CHPF: variants seen among roughly 807,000 people sequenced by gnomAD.
The protein encoded by CHPF is chondroitin polymerizing factor, also known as chondroitin polymerizing factor, non-catalytic subunit.
Under a neutral mutation model 55.1 loss-of-function variants are expected in CHPF, and 34 were observed. That is an observed-to-expected ratio of 0.62 (90% CI 0.47 to 0.82). CHPF has a LOEUF of 0.82. Ranked by LOEUF, CHPF falls within the 40% of genes least tolerant of loss-of-function variation. The pLI, the probability that CHPF is intolerant of heterozygous loss-of-function variation, is 0.00. For missense variants in CHPF, 961 were observed against 1,106.1 expected (o/e 0.87, Z 1.86); for synonymous variants, 489 against 496.6 (o/e 0.98, Z 0.20).
Position 219,543,269 on chromosome 2 carries a change from G to A in CHPF, c.270C>T (p.Pro90=). The A allele has an allele frequency of 1.3e-6, 2 of 1,574,776 alleles. No individual in the cohort carries two copies. The highest frequency in any genetic ancestry group is 1.7e-6 in the Non-Finnish European group (2 of 1,169,648). Residue 90 remains proline (P), a synonymous_variant, in exon 1 of 4, where the codon CCC becomes CCT. Transcript: ENST00000243776. ...AGENWEPRVL[P]YHPAQPGQAA... Reference sequence around the variant, plus strand: ...CCTGGCCGGGCTGTGCAGGGTGGTAGGGCAAGACGCGCGGCTCCCAATTCT... The same window carrying A: ...CCTGGCCGGGCTGTGCAGGGTGGTAAGGCAAGACGCGCGGCTCCCAATTCT...
At chr2:219,540,813 A>G (rs1321677047) in intron 3 of CHPF, 133 bp downstream of exon 3, 14 of 1,320,580 alleles carry the variant, frequency 1.1e-5, no homozygotes, top group Admixed American at 7.5e-5. Flanking sequence ...TCATCAGAGA[A>G]TGTAGAAACA....
Position 219,541,639 on chromosome 2 carries a change from C to T in CHPF, c.865G>A (p.Val289Met), listed in dbSNP as rs541704710. ...ACCTCGTGGTCACCAGTGCAGCCCACCCCGGTGGCATCGAGAATGCAGCGA... is the reference window on the plus strand; with the variant it reads ...ACCTCGTGGTCACCAGTGCAGCCCATCCCGGTGGCATCGAGAATGCAGCGA... ...LGRCILDATG[V>M]GCTGDHEGVH... Residue 289 changes from valine to methionine, a missense_variant, in exon 2 of 4, where the codon GTG becomes ATG. Transcript: ENST00000243776. 1 of 1,588,758 alleles carries T rather than the reference C, an allele frequency of 6.3e-7. No individual in the cohort carries two copies. The highest frequency in any genetic ancestry group is 1.3e-5 in the African/African-American group (1 of 74,662).
At position 219,539,811 on chromosome 2, in the gene CHPF, A is replaced by C; in HGVS notation, c.1900T>G (p.Ser634Ala). The stretch of plus-strand genomic sequence containing the variant: ...ATGGGAAAGAAGGCCTGCCAGCCGG[A>C]GATGGCATGCATGCGGCAGCGGTTC... ...FLNRCRMHAI[S>A]GWQAFFPMHF... is the part of the protein sequence containing the mutation. Residue 634 changes from serine (S) to alanine (A), a missense_variant, in exon 4 of 4, where the codon TCC becomes GCC. This residue lies in a region of CHPF where 936 missense variants were observed against 1,058.4 expected (regional missense o/e 0.88). Transcript: ENST00000243776. 6.2e-7 allele frequency: 1 copy of C among 1,613,556 alleles called. No individual in the cohort carries two copies. The highest frequency in any genetic ancestry group is 8.5e-7 in the Non-Finnish European group (1 of 1,180,018).
rs1408963613 is a variant in CHPF at position 219,543,573 on chromosome 2, C to T, written c.-35G>A. On this transcript the variant is annotated 5_prime_UTR_variant, in exon 1 of 4. Transcript: ENST00000243776. Reference sequence around the variant, plus strand: ...ACCGCGGGTCCCCGGCCCCGGCGAACCCCCAGAGCAGCCAGAGGAGTCTCC... The same window carrying T: ...ACCGCGGGTCCCCGGCCCCGGCGAATCCCCAGAGCAGCCAGAGGAGTCTCC... The T allele has an allele frequency of 7.6e-7, 1 of 1,316,640 alleles. No individual in the cohort carries two copies. Among genetic ancestry groups the T allele is most frequent in the Non-Finnish European group, 9.7e-7 (1 of 1,035,574 alleles). 81.6% of individuals were successfully genotyped at this position (1,316,640 alleles called of 1,614,324 possible).
Position 219,542,022 on chromosome 2 carries a change from G to C in CHPF, c.482C>G (p.Pro161Arg), listed in dbSNP as rs1695281401. ...LTGARGRRAP[P>R]GMAVVTLGEE... ...GCCTAGCGTCACCACTGCCATGCCA[G>C]GTGGGGCCCGGCGGCCCCGTGCGCC... Residue 161 changes from proline (P) to arginine (R), a missense_variant, in exon 2 of 4, where the codon CCT becomes CGT. Coordinates refer to ENST00000243776, the MANE Select transcript of CHPF (RefSeq NM_024536.6). 1 of 1,596,422 alleles carries C rather than the reference G, an allele frequency of 6.3e-7. No individual in the cohort carries two copies. Among genetic ancestry groups the C allele is most frequent in the East Asian group, 2.3e-5 (1 of 43,934 alleles).
chr2:219,542,165 C>A lies in CHPF; in HGVS notation c.339G>T (p.Leu113=). The change falls in exon 2 of 4, where the codon CTG becomes CTT. Residue 113 remains leucine (L), a synonymous_variant. Coordinates refer to ENST00000243776, the MANE Select transcript of CHPF (RefSeq NM_024536.6). ...CCACCAGCAGCCTCTGCCTGATGCCCAGCTCCGTGCTGATGTAGCGGGTCC... is the reference window on the plus strand; with the variant it reads ...CCACCAGCAGCCTCTGCCTGATGCCAAGCTCCGTGCTGATGTAGCGGGTCC... ...AVRTRYISTE[L]GIRQRLLVAV... 1 of 1,521,170 alleles carries A rather than the reference C, an allele frequency of 6.6e-7. No individual in the cohort carries two copies. Among genetic ancestry groups the A allele is most frequent in the Non-Finnish European group, 8.8e-7 (1 of 1,141,466 alleles). 94.2% of individuals were successfully genotyped at this position (1,521,170 alleles called of 1,614,324 possible). A position where few individuals can be genotyped will look rare whatever the true frequency, so the allele number is the denominator to read the frequency against.
Position 219,539,471 on chromosome 2 carries a change from C to A in CHPF, c.2240G>T (p.Arg747Leu). The change falls in exon 4 of 4, where the codon CGC becomes CTC. Residue 747 changes from arginine to leucine, a missense_variant. Physicochemically the swap from Arg to Leu is moderately radical, Grantham distance 102 (BLOSUM62 -2). Around this residue, in one of 3 missense-constraint regions of CHPF, gnomAD observed 936 missense variants for 1,058.4 expected, o/e 0.88. Coordinates refer to ENST00000243776, the MANE Select transcript of CHPF (RefSeq NM_024536.6). ...GCCCTCAAGCACGCTCTGGAGGCAGCGGTGGTACAGGTCCTCACTGAGCCT... is the reference window on the plus strand; with the variant it reads ...GCCCTCAAGCACGCTCTGGAGGCAGAGGTGGTACAGGTCCTCACTGAGCCT... ...SARLSEDLYH[R>L]CLQSVLEGLG... The A allele has an allele frequency of 6.2e-7, 1 of 1,613,562 alleles. No homozygotes were observed. The highest frequency in any genetic ancestry group is 8.5e-7 in the Non-Finnish European group (1 of 1,179,796).
Position 219,541,122 on chromosome 2 carries a change from C to T in CHPF, c.892G>A (p.Val298Met). 1 of 1,583,540 alleles carries T rather than the reference C, an allele frequency of 6.3e-7. No individual in the cohort carries two copies. The highest frequency in any genetic ancestry group is 8.6e-7 in the Non-Finnish European group (1 of 1,167,338). Residue 298 changes from valine (V) to methionine (M), a missense_variant, in exon 3 of 4, where the codon GTG becomes ATG. Around this residue, in one of 3 missense-constraint regions of CHPF, gnomAD observed 936 missense variants for 1,058.4 expected, o/e 0.88. Coordinates refer to ENST00000243776, the MANE Select transcript of CHPF (RefSeq NM_024536.6). ...GVGCTGDHEG[V>M]HYSHLELSPG... ...CTCAGCTCCAGATGGCTATAGTGCA[C>T]CCCCTGGGGAGAGGAAGGGAAGGGA... is the stretch of plus-strand genomic sequence containing the variant.
At position 219,541,607 on chromosome 2, in the gene CHPF, T is replaced by C; in HGVS notation, c.888+9A>G. On this transcript the variant is annotated intron_variant, in intron 2 of 3. Transcript: ENST00000243776. ...AAGGAGGTATCAGTGGGATAGCTTA[T>C]CATCCCACCTCGTGGTCACCAGTGC... The C allele has an allele frequency of 6.5e-7, 1 of 1,545,654 alleles. No individual in the cohort carries two copies.
chr2:219,542,301 A>G, intron 1 of CHPF, 112 bp from the exon 2 acceptor site: 1 of 785,356 alleles, frequency 1.3e-6, no homozygotes, highest in Non-Finnish European at 1.9e-6. Context: ...CTGTTCTCTC[A>G]CCTATGAATA....
Position 219,539,627 on chromosome 2 carries a change from G to A in CHPF, c.2084C>T (p.Ser695Leu). The change falls in exon 4 of 4, where the codon TCA becomes TTA. Residue 695 changes from serine to leucine, a missense_variant. Coordinates refer to ENST00000243776, the MANE Select transcript of CHPF (RefSeq NM_024536.6). ...CTCCAGCAGCTCCTCTTCTTGTTCTGAGGCTGCCGCCAGGCGCCCACGGGC... is the reference window on the plus strand; with the variant it reads ...CTCCAGCAGCTCCTCTTCTTGTTCTAAGGCTGCCGCCAGGCGCCCACGGGC... ...VAARGRLAAASEQEEELLESL... is the reference protein window; with the variant it reads ...VAARGRLAAALEQEEELLESL... 6.2e-7 allele frequency: 1 copy of A among 1,613,624 alleles called. No individual in the cohort carries two copies.
In CHPF at chr2:219,541,232, C is replaced by G. The variant is rs566440532; in HGVS notation, c.889-107G>C. On this transcript the variant is annotated intron_variant, in intron 2 of 3. Coordinates refer to ENST00000243776, the MANE Select transcript of CHPF (RefSeq NM_024536.6). ...CTATGACCTGTTGTGGACTTGCAGTCTGAGGGTTTAAGTCTACCTTGACCA... is the reference window on the plus strand; with the variant it reads ...CTATGACCTGTTGTGGACTTGCAGTGTGAGGGTTTAAGTCTACCTTGACCA... The G allele has an allele frequency of 2.5e-5, 28 of 1,120,784 alleles. No homozygotes were observed. The South Asian group carries it at 4.3e-4, about 17-fold the overall frequency. 69.4% of individuals were successfully genotyped at this position (1,120,784 alleles called of 1,614,324 possible).
At position 219,540,122 on chromosome 2, in the gene CHPF, G is replaced by C. The variant is rs1695235424; in HGVS notation, c.1589C>G (p.Ala530Gly). 6.2e-7 allele frequency: 1 copy of C among 1,601,412 alleles called. No homozygotes were observed. Among genetic ancestry groups the C allele is most frequent in the Admixed American group, 1.7e-5 (1 of 58,070 alleles). ...DLAPGFLEAF[A>G]TAALEPGDAA... ...ATCACCAGGCTCCAGTGCTGCAGTGGCAAAGGCCTCCAAGAAGCCAGGGGC... is the reference window on the plus strand; with the variant it reads ...ATCACCAGGCTCCAGTGCTGCAGTGCCAAAGGCCTCCAAGAAGCCAGGGGC... The change falls in exon 4 of 4, where the codon GCC becomes GGC. Residue 530 changes from alanine (A) to glycine (G), a missense_variant. This residue lies in a region of CHPF where 936 missense variants were observed against 1,058.4 expected (regional missense o/e 0.88). Transcript: ENST00000243776.
Position 219,543,430 on chromosome 2 carries a change from G to T in CHPF, c.109C>A (p.Pro37Thr), listed in dbSNP as rs1012797169. 2.0e-6 allele frequency: 3 copies of T among 1,520,242 alleles called. No individual in the cohort carries two copies. Among genetic ancestry groups the T allele is most frequent in the Non-Finnish European group, 2.6e-6 (3 of 1,144,396 alleles). 94.2% of individuals were successfully genotyped at this position (1,520,242 alleles called of 1,614,324 possible). The stretch of plus-strand genomic sequence containing the variant: ...GGTTGGGGCGGGCCTGGGCCGCACG[G>T]CTCCTCCACCCAGGTGACGCTGAGC... ...SLLSVTWVEEPCGPGPPQPGD... is the reference protein window; with the variant it reads ...SLLSVTWVEETCGPGPPQPGD... Residue 37 changes from proline (P) to threonine (T), a missense_variant, in exon 1 of 4, where the codon CCG (proline) becomes ACG (threonine). Transcript: ENST00000243776.
At chr2:219,542,800 A>T in intron 1 of CHPF, 1 of 513,756 alleles carries the variant, frequency 1.9e-6, no homozygotes, top group South Asian at 8.4e-5. Flanking sequence ...AGATAGGTAC[A>T]TTCCTCCCTC....
chr2:219,540,727 A>C, intron 3 of CHPF, 85 bp from the exon 4 acceptor site: 1 of 1,395,776 alleles, frequency 7.2e-7, no homozygotes, highest in East Asian at 2.5e-5. Flanking sequence ...AGTAGGTGCC[A>C]CTCAGGATGG....
Position 219,540,591 on chromosome 2 carries a change from C to CA in CHPF, c.1119dup (p.Ala374CysfsTer17), listed in dbSNP as rs1695249927. The CA allele has an allele frequency of 6.2e-7, 1 of 1,612,054 alleles. No individual in the cohort carries two copies. Among genetic ancestry groups the CA allele is most frequent in the African/African-American group, 1.3e-5 (1 of 74,922 alleles). On this transcript the variant is annotated frameshift_variant, in exon 4 of 4. Transcript: ENST00000243776. LOFTEE classifies it high-confidence loss of function. The stretch of plus-strand genomic sequence containing the variant: ...GGTGCTGGAATACCCACGGGCCAAG[C>CA]AGCTGCCTGGTCCCCATCAACGGCC...
chr2:219,539,825 C>A lies in CHPF; in HGVS notation c.1886G>T (p.Arg629Leu). ...CTGCCAGCCGGAGATGGCATGCATG[C>A]GGCAGCGGTTCAGGAAGTCAGGCGT... ...VLTPDFLNRC[R>L]MHAISGWQAF... Residue 629 changes from arginine to leucine, a missense_variant, in exon 4 of 4, where the codon CGC becomes CTC. Physicochemically the swap from Arg to Leu is moderately radical, Grantham distance 102. Transcript: ENST00000243776. 1 of 1,613,570 alleles carries A rather than the reference C, an allele frequency of 6.2e-7. No homozygotes were observed. The highest frequency in any genetic ancestry group is 8.5e-7 in the Non-Finnish European group (1 of 1,180,028).
At chr2:219,541,439 G>T in intron 2 of CHPF, 177 bp downstream of exon 2, 1 of 589,908 alleles carries the variant, frequency 1.7e-6, no homozygotes, top group Non-Finnish European at 2.9e-6. Context: ...ATTTCCATTG[G>T]CACAAAGGAA....
Sources: allele counts gnomAD v4.1 joint callset, GRCh38; gene constraint gnomAD v4.1.1; regional missense constraint gnomAD v4.1.1; transcripts MANE v1.5; gene names NCBI Gene and HGNC (gene_info 2026-07-23, HGNC 2026-07-21).